TCERG1L: variants seen among roughly 807,000 people sequenced by gnomAD.
The protein encoded by TCERG1L is transcription elongation regulator 1-like protein.
A neutral mutation model predicts 56.3 loss-of-function variants in TCERG1L; 37 were observed. The ratio of observed to expected loss-of-function variants is 0.66; its 90% CI spans 0.51 to 0.87. The LOEUF (loss-of-function observed/expected upper bound fraction) is 0.87. TCERG1L is among the 40% of genes least tolerant of loss of function. The probability of loss-of-function intolerance (pLI) is 0.00; values close to 1 mark genes in which losing one functional copy is unlikely to be tolerated. For missense variants in TCERG1L, 799 were observed against 774.2 expected (o/e 1.03, Z -0.38); for synonymous variants, 324 against 326.3 (o/e 0.99, Z 0.08).
intron 4 of TCERG1L, among the ~76,000 whole-genome samples, chr10:131,238,066 C>G (rs901732840): frequency 6.6e-6 from 1 of 152,172 alleles, no homozygotes; most frequent in Non-Finnish European, 1.5e-5. Context: ...AGGAACCCTC[C>G]GTGACCTCAG....
intron 4 of TCERG1L, among the ~76,000 whole-genome samples, chr10:131,245,747 C>A (rs1231928589): frequency 6.6e-6 from 1 of 152,108 alleles, no homozygotes; most frequent in Non-Finnish European, 1.5e-5. Context: ...AAGAGCTGGT[C>A]GAGTTCGGAG....
At chr10:131,287,531 G>C (rs1033952145) in intron 3 of TCERG1L, among the ~76,000 whole-genome samples, 2 of 152,144 alleles carry the variant, frequency 1.3e-5, no homozygotes, top group Non-Finnish European at 2.9e-5. Context: ...TTGCCAGTGG[G>C]TCTGGGGACA....
At chr10:131,147,051 G>A (rs1412074249) in intron 6 of TCERG1L, among the ~76,000 whole-genome samples, 4 of 151,846 alleles carry the variant, frequency 2.6e-5, no homozygotes, top group South Asian at 2.1e-4. Flanking sequence ...AGAGTAATTC[G>A]GAGAGCGGCT....
intron 3 of TCERG1L, among the ~76,000 whole-genome samples, chr10:131,270,237 C>T (rs1846326836): frequency 6.6e-6 from 1 of 152,196 alleles, no homozygotes; most frequent in Non-Finnish European, 1.5e-5. Flanking sequence ...CCTGAGGATA[C>T]AAGCCAGGAA....
Position 131,103,686 on chromosome 10 carries a change from GT to G in TCERG1L, c.1485+578del, listed in dbSNP as rs1388659109. Among the ~76,000 whole-genome samples, 2 of 152,158 alleles carry G rather than the reference GT, an allele frequency of 1.3e-5. No homozygotes were observed. The highest frequency in any genetic ancestry group is 4.8e-5 in the African/African-American group (2 of 41,424). ...AGCCTGGGCAACAGAGTCAGATCCT[GT>G]CTAAAATAAAATGAAATAAAATAAA... On this transcript the variant is annotated intron_variant, in intron 10 of 11. Coordinates refer to ENST00000368642, the MANE Select transcript of TCERG1L (RefSeq NM_174937.4). This position sits in a 1 kb window ranked among gnomAD's most constrained non-coding sequence, Gnocchi z 4.3.
At position 131,267,473 on chromosome 10, in the gene TCERG1L, G is replaced by T. The variant is rs1484330616; in HGVS notation, c.671-7029C>A. ...GGCAGCTCCCACACTGCCAACTTGA[G>T]GGGGGTCATGGCTCCTGCCTGTCCC... On this transcript the variant is annotated intron_variant, in intron 3 of 11. Transcript: ENST00000368642. This position sits in a 1 kb window ranked among gnomAD's most constrained non-coding sequence, Gnocchi z 4.9. Among the ~76,000 whole-genome samples the T allele has an allele frequency of 3.9e-5, 6 of 152,208 alleles. No homozygotes were observed. The highest frequency in any genetic ancestry group is 7.2e-5 in the African/African-American group (3 of 41,456).
rs1434392021 is a variant in TCERG1L, at chr10:131,125,603, G to A, written c.1260-8669C>T. Among the ~76,000 whole-genome samples, 10 of 152,348 alleles carry A rather than the reference G, an allele frequency of 6.6e-5. No individual in the cohort carries two copies. In the South Asian group the frequency reaches 8.3e-4, roughly 13 times the overall value. ...CCTTGACACTGTGCAGTGCAGAAACGTGCCTCTGGCAGCTATAAGGAAGAT... is the reference window on the plus strand; with the variant it reads ...CCTTGACACTGTGCAGTGCAGAAACATGCCTCTGGCAGCTATAAGGAAGAT... On this transcript the variant is annotated intron_variant, in intron 8 of 11. Coordinates refer to ENST00000368642, the MANE Select transcript of TCERG1L (RefSeq NM_174937.4).
chr10:131,294,923 C>G (rs1846673798), intron 3 of TCERG1L, among the ~76,000 whole-genome samples: 2 of 151,776 alleles, frequency 1.3e-5, no homozygotes, highest in African/African-American at 2.4e-5. Context: ...ACTTATGAAA[C>G]CACTGAGGCC....
intron 4 of TCERG1L, among the ~76,000 whole-genome samples, chr10:131,244,933 C>T (rs1481277352): frequency 6.6e-6 from 1 of 152,156 alleles, no homozygotes; most frequent in Non-Finnish European, 1.5e-5. Flanking sequence ...TGTCTTCCTG[C>T]CCAGGACACT....
At chr10:131,173,687 C>G (rs989471652) in intron 4 of TCERG1L, among the ~76,000 whole-genome samples, 1 of 152,240 alleles carries the variant, frequency 6.6e-6, no homozygotes, top group African/African-American at 2.4e-5. Context: ...GCCCAGGGGC[C>G]TGAGGGGCTC....
chr10:131,169,069 G>A (rs940720781), intron 4 of TCERG1L, among the ~76,000 whole-genome samples: 2 of 152,180 alleles, frequency 1.3e-5, no homozygotes, highest in Non-Finnish European at 2.9e-5. Context: ...TCCCTGGATT[G>A]CATTAAGATT....
chr10:131,153,957 T>C lies in TCERG1L; in HGVS notation c.1035-7297A>G, dbSNP rs78735023. On this transcript the variant is annotated intron_variant, in intron 6 of 11. Coordinates refer to ENST00000368642, the MANE Select transcript of TCERG1L (RefSeq NM_174937.4). ...TGAACCAGAGTGAGTAGCTGGTAAA[T>C]AAATGCAGTTTCCCCAGAGAAATCC... 0.021 allele frequency among the ~76,000 whole-genome samples: 3,214 copies of C among 152,200 alleles called. 170 individuals are homozygous for C. In the East Asian group the frequency reaches 0.23, roughly 11 times the overall value.
intron 8 of TCERG1L, among the ~76,000 whole-genome samples, chr10:131,117,738 G>T (rs748311597): frequency 3.9e-5 from 6 of 152,232 alleles, no homozygotes; most frequent in Non-Finnish European, 7.3e-5. Flanking sequence ...TCCTACGGAA[G>T]AAATGCTAGA....
At chr10:131,179,385 T>A (rs975322973) in intron 4 of TCERG1L, among the ~76,000 whole-genome samples, 1 of 152,180 alleles carries the variant, frequency 6.6e-6, no homozygotes, top group Non-Finnish European at 1.5e-5. Context: ...TTTCTTTCAA[T>A]CCAAGAATGC....
chr10:131,165,245 C>CAGAGATTAAA (rs1362301193), intron 5 of TCERG1L, among the ~76,000 whole-genome samples: 2 of 152,138 alleles, frequency 1.3e-5, no homozygotes, highest in Admixed American at 1.3e-4. Flanking sequence ...ACAAGAAACA[C>CAGAGATTAAA]AGAGATTAAA....
chr10:131,212,420 A>G (rs571231735), intron 4 of TCERG1L, among the ~76,000 whole-genome samples: 1 of 152,348 alleles, frequency 6.6e-6, no homozygotes, highest in South Asian at 2.1e-4. Context: ...TATCTAGAAC[A>G]AATGCATGAT....
chr10:131,149,863 T>A (rs916915492), intron 6 of TCERG1L, among the ~76,000 whole-genome samples: 2 of 152,178 alleles, frequency 1.3e-5, no homozygotes, highest in African/African-American at 4.8e-5. Context: ...GTATGTCTCA[T>A]GCCCAGCATG....
chr10:131,168,218 C>T (rs970055061), intron 4 of TCERG1L, among the ~76,000 whole-genome samples: 1 of 152,240 alleles, frequency 6.6e-6, no homozygotes, highest in Admixed American at 6.5e-5. Flanking sequence ...CTGGCCCCTT[C>T]AAGCTACACG....
intron 8 of TCERG1L, among the ~76,000 whole-genome samples, chr10:131,122,905 T>C (rs1330875705): frequency 6.6e-6 from 1 of 152,186 alleles, no homozygotes; most frequent in East Asian, 1.9e-4. Flanking sequence ...GGACACCCAG[T>C]TGGTGTCAGA....
Sources: gnomAD v4.1 joint callset for allele counts (sites outside exome capture counted in the v4.1 genomes callset) on GRCh38, gnomAD v4.1.1 for gene constraint, Gnocchi (gnomAD v3.1) non-coding constraint, MANE v1.5 for transcripts, NCBI Gene and HGNC (gene_info 2026-07-23, HGNC 2026-07-21) for gene names.